The following CCDC13 variants were observed in gnomAD, a reference collection of about 807,000 sequenced individuals.
CCDC13 encodes the protein coiled-coil domain containing 13, also known as coiled-coil domain-containing protein 13.
A neutral mutation model predicts 87.3 loss-of-function variants in CCDC13; 70 were observed. The observed-to-expected ratio is 0.80, with a 90% CI of 0.66 to 0.98. The LOEUF is 0.98. Ranked by LOEUF, CCDC13 falls within the 50% of genes least tolerant of loss-of-function variation. The probability of loss-of-function intolerance (pLI) is 0.00; values close to 1 mark genes in which losing one functional copy is unlikely to be tolerated. For missense variants in CCDC13, 842 were observed against 892.0 expected (o/e 0.94, Z 0.71); for synonymous variants, 317 against 360.3 (o/e 0.88, Z 1.36).
intron 13 of CCDC13, 47 bp downstream of exon 13, chr3:42,730,420 C>G (rs771534461): frequency 3.1e-6 from 5 of 1,594,870 alleles, no homozygotes; most frequent in Non-Finnish European, 4.3e-6. Flanking sequence ...CCCCAGTCCC[C>G]ACCACATGCA....
At chr3:42,762,854 T>C (rs543214416) in intron 1 of CCDC13, among the ~76,000 whole-genome samples, 37 of 152,236 alleles carry the variant, frequency 2.4e-4, no homozygotes, top group East Asian at 2.3e-3. Context: ...AAGGCCAAGG[T>C]GGAAGCACAG....
chr3:42,745,718 T>C (rs1699373401), intron 7 of CCDC13: 1 of 481,956 alleles, frequency 2.1e-6, no homozygotes, highest in Non-Finnish European at 3.7e-6. Context: ...CTAAGTGTTA[T>C]ATAAGAGCTT....
chr3:42,713,230 A>T lies in CCDC13; in HGVS notation c.1805T>A (p.Leu602Gln). ...RHRTVVLEQH[L>Q]EKIRLEPGKA... is the part of the protein sequence containing the mutation. ...CCCTGGCTCCAGGCGTATCTTCTCC[A>T]GATGTTGCTCCAGCACCACGGTGCG... Residue 602 changes from leucine (L) to glutamine (Q), a missense_variant, in exon 14 of 16, where the codon CTG becomes CAG. Leu to Gln is a moderately radical substitution (Grantham distance 113, BLOSUM62 -2). Coordinates refer to ENST00000310232, the MANE Select transcript of CCDC13 (RefSeq NM_144719.4). The T allele has an allele frequency of 6.2e-7, 1 of 1,614,150 alleles. No individual in the cohort carries two copies. The highest frequency in any genetic ancestry group is 8.5e-7 in the Non-Finnish European group (1 of 1,180,024).
chr3:42,735,696 G>T lies in CCDC13; in HGVS notation c.1371+11C>A. The T allele has an allele frequency of 6.2e-7, 1 of 1,613,234 alleles. No individual in the cohort carries two copies. The highest frequency in any genetic ancestry group is 8.5e-7 in the Non-Finnish European group (1 of 1,179,292). On this transcript the variant is annotated intron_variant, in intron 10 of 15. Coordinates refer to ENST00000310232, the MANE Select transcript of CCDC13 (RefSeq NM_144719.4). The stretch of plus-strand genomic sequence containing the variant: ...GAAAATGGGTTTGGGCGCTGCCAGT[G>T]CCCTACTCACGTGCACATTGAGTTG...
At chr3:42,759,605 A>G (rs895289341) in intron 1 of CCDC13, among the ~76,000 whole-genome samples, 15 of 152,332 alleles carry the variant, frequency 9.8e-5, no homozygotes, top group African/African-American at 3.4e-4. Flanking sequence ...AGATTCATCA[A>G]TGTCATTGCA....
chr3:42,716,034 A>T (rs1189396328), intron 13 of CCDC13, among the ~76,000 whole-genome samples: 1 of 152,352 alleles, frequency 6.6e-6, no homozygotes, highest in East Asian at 1.9e-4. Context: ...TGGGTAACAT[A>T]CCTGAACTCC....
chr3:42,712,349 G>A (rs1033791768), intron 14 of CCDC13, among the ~76,000 whole-genome samples: 1 of 152,022 alleles, frequency 6.6e-6, no homozygotes, highest in African/African-American at 2.4e-5. Flanking sequence ...TTCCTCCCTG[G>A]GAGTCAGCCA....
intron 5 of CCDC13, among the ~76,000 whole-genome samples, chr3:42,749,612 G>C (rs1408406525): frequency 6.6e-6 from 1 of 152,198 alleles, no homozygotes; most frequent in Non-Finnish European, 1.5e-5. Flanking sequence ...GAGAGGGCTG[G>C]ATCAGGCCCC....
In CCDC13 at chr3:42,742,484, C is replaced by G. The variant is rs182890499; in HGVS notation, c.987+412G>C. Among the ~76,000 whole-genome samples, 267 of 152,270 alleles carry G rather than the reference C, an allele frequency of 1.8e-3. 2 individuals carry two copies. The highest frequency in any genetic ancestry group is 0.015 in the South Asian group (71 of 4,824). On this transcript the variant is annotated intron_variant, in intron 8 of 15. Transcript: ENST00000310232. ...CTGGTAGAGTTAGAGTTCTGACACT[C>G]CCAACGCAGCCAGTGAGATGCGGCC...
Position 42,735,787 on chromosome 3 carries a change from C to A in CCDC13, c.1291G>T (p.Ala431Ser). The A allele has an allele frequency of 6.2e-7, 1 of 1,614,232 alleles. No individual in the cohort carries two copies. Reference protein sequence around the residue: ...SEAQRSNSLVAQLQAMVAERE... With the variant: ...SEAQRSNSLVSQLQAMVAERE... ...TCAGCTACCATGGCCTGCAGCTGGG[C>A]GACTAGGCTGTTGCTCCGCTGAGCC... Residue 431 changes from alanine (A) to serine (S), a missense_variant, in exon 10 of 16, where the codon GCC (alanine) becomes TCC (serine). Physicochemically the swap from Ala to Ser is moderately conservative, Grantham distance 99. Transcript: ENST00000310232.
In CCDC13 at chr3:42,739,794, C is replaced by T. The variant is rs776255699; in HGVS notation, c.1004G>A (p.Arg335Gln). The change falls in exon 9 of 16, where the codon CGG becomes CAG. Residue 335 changes from arginine to glutamine, a missense_variant. Coordinates refer to ENST00000310232, the MANE Select transcript of CCDC13 (RefSeq NM_144719.4). ...QEGLEKLASERDVLQRELEEL... is the reference protein window; with the variant it reads ...QEGLEKLASEQDVLQRELEEL... ...TTCAAGCTCTCTCTGGAGGACATCC[C>T]GTTCACTGGCAAGTTTCTGTAATTA... is the stretch of plus-strand genomic sequence containing the variant. 12 of 1,613,890 alleles carry T rather than the reference C, an allele frequency of 7.4e-6. No homozygotes were observed. The highest frequency in any genetic ancestry group is 3.3e-5 in the Admixed American group (2 of 59,984).
chr3:42,743,137 C>A, intron 7 of CCDC13, 80 bp from the exon 8 acceptor site: 1 of 1,530,770 alleles, frequency 6.5e-7, no homozygotes, highest in Admixed American at 1.8e-5. Context: ...GGAGACCCCA[C>A]AGACTGAAGA....
intron 13 of CCDC13, among the ~76,000 whole-genome samples, chr3:42,720,857 A>G (rs1698544314): frequency 6.6e-6 from 1 of 152,216 alleles, no homozygotes; most frequent in African/African-American, 2.4e-5. Flanking sequence ...CCTGCCTATG[A>G]TCTCTTTAAC....
At chr3:42,742,197 C>T (rs2125894063) in intron 8 of CCDC13, among the ~76,000 whole-genome samples, 1 of 152,342 alleles carries the variant, frequency 6.6e-6, no homozygotes, top group East Asian at 1.9e-4. Flanking sequence ...CAGTGATGGG[C>T]TCAAGGATGG....
intron 6 of CCDC13, chr3:42,746,548 A>G (rs1478125290): frequency 6.1e-6 from 1 of 164,594 alleles, no homozygotes; most frequent in African/African-American, 2.4e-5. Context: ...ACTCAGGCCC[A>G]ACCTCAAGGC....
chr3:42,756,914 C>A, intron 3 of CCDC13, 152 bp downstream of exon 3: 1 of 729,732 alleles, frequency 1.4e-6, no homozygotes, highest in East Asian at 2.7e-5. Context: ...TTCCTCTACC[C>A]TCTCCCTCAC....
At position 42,713,254 on chromosome 3, in the gene CCDC13, C is replaced by T. The variant is rs775504311; in HGVS notation, c.1781G>A (p.Arg594His). Residue 594 changes from arginine (R) to histidine (H), a missense_variant, in exon 14 of 16, where the codon CGC (arginine) becomes CAC (histidine). Arg to His is a conservative substitution (Grantham distance 29, BLOSUM62 0). Coordinates refer to ENST00000310232, the MANE Select transcript of CCDC13 (RefSeq NM_144719.4). ...SERKLQEERHRTVVLEQHLEK... is the reference protein window; with the variant it reads ...SERKLQEERHHTVVLEQHLEK... The stretch of plus-strand genomic sequence containing the variant: ...CAGATGTTGCTCCAGCACCACGGTG[C>T]GGTGTCGCTCCTCCTGCAGCTTCCT... 3.2e-5 allele frequency: 51 copies of T among 1,614,018 alleles called. No homozygotes were observed. Among genetic ancestry groups the T allele is most frequent in the South Asian group, 2.9e-4 (26 of 91,086 alleles).
intron 2 of CCDC13, 100 bp from the exon 3 acceptor site, chr3:42,757,314 G>T: frequency 9.0e-7 from 1 of 1,107,762 alleles, no homozygotes; most frequent in Non-Finnish European, 1.3e-6. Context: ...ACACGCAGAT[G>T]CAGACACACT....
chr3:42,718,521 C>T lies in CCDC13; in HGVS notation c.1719-5205G>A, dbSNP rs184498751. On this transcript the variant is annotated intron_variant, in intron 13 of 15. Coordinates refer to ENST00000310232, the MANE Select transcript of CCDC13 (RefSeq NM_144719.4). Reference sequence around the variant, plus strand: ...CTTTTGCTTTGTGCTGTGGACTCGCCCTGAATTCTTTCTTGCATGAGATCC... The same window carrying T: ...CTTTTGCTTTGTGCTGTGGACTCGCTCTGAATTCTTTCTTGCATGAGATCC... Among the ~76,000 whole-genome samples the T allele has an allele frequency of 1.3e-4, 20 of 152,200 alleles. 1 individual carries two copies. In the East Asian group the frequency reaches 3.7e-3, roughly 28 times the overall value.
Sources: gnomAD v4.1 joint callset for allele counts (sites outside exome capture counted in the v4.1 genomes callset) on GRCh38, gnomAD v4.1.1 for gene constraint, MANE v1.5 for transcripts, NCBI Gene and HGNC (gene_info 2026-07-23, HGNC 2026-07-21) for gene names.